Variants in AHR observed in about 807,000 individuals in gnomAD.
AHR encodes the protein aryl hydrocarbon receptor.
A neutral mutation model predicts 86.8 loss-of-function variants in AHR; 40 were observed. The ratio of observed to expected loss-of-function variants is 0.46; its 90% confidence interval spans 0.36 to 0.60. AHR has a LOEUF of 0.60. AHR is among the 20% of genes least tolerant of loss of function. AHR has a pLI of 0.00. For synonymous variants in AHR, 398 were observed against 354.9 expected (o/e 1.12, Z -1.37); for missense variants, 1,001 against 1,011.6 (o/e 0.99, Z 0.14).
Position 17,339,135 on chromosome 7 carries a change from G to C in AHR, c.1310G>C (p.Gly437Ala), listed in dbSNP as rs138430398. ...CTAAGGACTAAAAATGGCACTAGTGGAAAAGACTCTGCTACCACATCCACT... is the reference window on the plus strand; with the variant it reads ...CTAAGGACTAAAAATGGCACTAGTGCAAAAGACTCTGCTACCACATCCACT... ...LPLRTKNGTSGKDSATTSTLS... is the reference protein window; with the variant it reads ...LPLRTKNGTSAKDSATTSTLS... Residue 437 changes from glycine (G) to alanine (A), a missense_variant, in exon 10 of 11, where the codon GGA becomes GCA. Around this residue, in one of 2 missense-constraint regions of AHR, gnomAD observed 607 missense variants for 543.1 expected, o/e 1.12. Transcript: ENST00000242057. The C allele has an allele frequency of 8.1e-5, 130 of 1,614,086 alleles. No individual in the cohort carries two copies. The highest frequency in any genetic ancestry group is 9.8e-5 in the Non-Finnish European group (116 of 1,180,012).
At chr7:17,299,421 G>A in intron 1 of AHR, 92 bp downstream of exon 1, 1 of 1,403,952 alleles carries the variant, frequency 7.1e-7, no homozygotes, top group Non-Finnish European at 9.8e-7. Flanking sequence ...AAATCCCTGC[G>A]ATCCTGGGAT....
chr7:17,300,366 C>A (rs1183048965), intron 1 of AHR, among the ~76,000 whole-genome samples: 3 of 152,188 alleles, frequency 2.0e-5, no homozygotes, highest in African/African-American at 7.2e-5. Flanking sequence ...TAAACGTCTT[C>A]TCAGACCAAA....
intron 2 of AHR, among the ~76,000 whole-genome samples, chr7:17,316,030 GC>G (rs1782112180): frequency 6.6e-6 from 1 of 152,122 alleles, no homozygotes; most frequent in Non-Finnish European, 1.5e-5. Flanking sequence ...TTAAGGATGA[GC>G]AGGGGTAGTA....
At chr7:17,336,381 T>C (rs1782355024) in intron 9 of AHR, among the ~76,000 whole-genome samples, 1 of 152,170 alleles carries the variant, frequency 6.6e-6, no homozygotes, top group Admixed American at 6.6e-5. Context: ...TGTTGTTCTA[T>C]TAATAGCTCC....
In AHR at chr7:17,343,055, A is replaced by T. The variant is rs1562483741; in HGVS notation, c.2538A>T (p.Gly846=). Residue 846 remains glycine, a synonymous_variant, in exon 11 of 11, where the codon GGA becomes GGT. Coordinates refer to ENST00000242057, the MANE Select transcript of AHR (RefSeq NM_001621.5). ...ARPFPDLTSS[G]FL ...CTTTTCCTGATTTGACATCCAGTGG[A>T]TTCCTGTAATTCCAAGCCCAATTTT... The T allele has an allele frequency of 1.7e-5, 27 of 1,613,740 alleles. No homozygotes were observed. The highest frequency in any genetic ancestry group is 2.3e-5 in the Non-Finnish European group (27 of 1,179,834).
rs181548802 is a variant in AHR, at chr7:17,312,428, T to C, written c.253+2305T>C. Among the ~76,000 whole-genome samples, 327 of 152,336 alleles carry C rather than the reference T, an allele frequency of 2.1e-3. 2 individuals carry two copies. Among genetic ancestry groups the C allele is most frequent in the African/African-American group, 7.1e-3 (297 of 41,586 alleles). On this transcript the variant is annotated intron_variant, in intron 2 of 10. Transcript: ENST00000242057. ...GTACATATGTGTGTATCTAGACAGA[T>C]ACATATAAATGTGTGTGAAACACAC...
chr7:17,330,130 GA>G (rs1782271761), intron 5 of AHR, 55 bp downstream of exon 5: 1 of 1,551,576 alleles, frequency 6.4e-7, no homozygotes, highest in South Asian at 1.2e-5. Flanking sequence ...ATGAGTCTGT[GA>G]AAGGAGGCTG....
chr7:17,315,189 A>G (rs1181604868), intron 2 of AHR, among the ~76,000 whole-genome samples: 6 of 152,040 alleles, frequency 3.9e-5, no homozygotes, highest in East Asian at 3.8e-4. Flanking sequence ...TGAATATACA[A>G]ATCCTGGCTC....
chr7:17,305,354 CTGAA>C (rs1462944011), intron 1 of AHR, among the ~76,000 whole-genome samples: 1 of 152,088 alleles, frequency 6.6e-6, no homozygotes, highest in Non-Finnish European at 1.5e-5. Context: ...TACGGATGCA[CTGAA>C]GCTGGGGGAA....
chr7:17,322,759 A>T, intron 3 of AHR, 152 bp downstream of exon 3: 1 of 607,560 alleles, frequency 1.6e-6, no homozygotes, highest in Non-Finnish European at 2.9e-6. Context: ...GATGCTTAAT[A>T]CATGAAAAAC....
chr7:17,335,888 A>C (rs1004419439), intron 9 of AHR, 102 bp downstream of exon 9: 7 of 1,277,612 alleles, frequency 5.5e-6, no homozygotes, highest in Non-Finnish European at 7.5e-6. Flanking sequence ...CTGTAAATAA[A>C]AATTGAAAAG....
In AHR at chr7:17,330,048, T is replaced by C. The variant is rs2115364076; in HGVS notation, c.547T>C (p.Cys183Arg). The C allele has an allele frequency of 6.2e-7, 1 of 1,611,056 alleles. No individual in the cohort carries two copies. Among genetic ancestry groups the C allele is most frequent in the South Asian group, 1.1e-5 (1 of 90,960 alleles). Reference protein sequence around the residue: ...QLHWALNPSQCTESGQGIEEA... With the variant: ...QLHWALNPSQRTESGQGIEEA... Reference sequence around the variant, plus strand: ...ACACTGGGCATTAAATCCTTCTCAGTGTACAGAGTCTGGACAAGGAATTGA... The same window carrying C: ...ACACTGGGCATTAAATCCTTCTCAGCGTACAGAGTCTGGACAAGGAATTGA... Residue 183 changes from cysteine (C) to arginine (R), a missense_variant, in exon 5 of 11, where the codon TGT becomes CGT. Cys to Arg is a radical substitution (Grantham distance 180, BLOSUM62 -3). This residue lies in a region of AHR where 394 missense variants were observed against 468.5 expected (regional missense o/e 0.84). Transcript: ENST00000242057.
chr7:17,339,871 T>A lies in AHR; in HGVS notation c.2046T>A (p.Ser682Arg). ...YNVFTDLHGISQEFPYKSEMD... is the reference protein window; with the variant it reads ...YNVFTDLHGIRQEFPYKSEMD... ...TCTTTACAGACTTACATGGGATCAG[T>A]CAAGAGTTCCCCTACAAATCTGAAA... is the stretch of plus-strand genomic sequence containing the variant. The change falls in exon 10 of 11, where the codon AGT becomes AGA. Residue 682 changes from serine to arginine, a missense_variant. By Grantham distance (110) the Ser-to-Arg change is moderately radical. Around this residue, in one of 2 missense-constraint regions of AHR, gnomAD observed 607 missense variants for 543.1 expected, o/e 1.12. Transcript: ENST00000242057. 1 of 1,614,184 alleles carries A rather than the reference T, an allele frequency of 6.2e-7. No individual in the cohort carries two copies. Among genetic ancestry groups the A allele is most frequent in the Non-Finnish European group, 8.5e-7 (1 of 1,180,018 alleles).
chr7:17,330,204 T>C (rs979633527), intron 5 of AHR, 129 bp downstream of exon 5: 3 of 899,972 alleles, frequency 3.3e-6, no homozygotes, highest in African/African-American at 1.7e-5. Context: ...AAGTCTGCAA[T>C]CATAGGCCAC....
chr7:17,305,056 A>G (rs1376087390), intron 1 of AHR, among the ~76,000 whole-genome samples: 1 of 152,054 alleles, frequency 6.6e-6, no homozygotes, highest in Admixed American at 6.6e-5. Flanking sequence ...TTTATATCTC[A>G]TCATCTCTCC....
rs1041199058 is a variant in AHR, at chr7:17,298,966, G to T, written c.-299G>T. ...CCGCCTCACCTGCGGGCATTGCCGC[G>T]CCGCCTCCGCCGGTGTAGACGGCAC... On this transcript the variant is annotated 5_prime_UTR_variant, in exon 1 of 11. Coordinates refer to ENST00000242057, the MANE Select transcript of AHR (RefSeq NM_001621.5). The T allele has an allele frequency of 6.8e-6, 3 of 439,482 alleles. No homozygotes were observed. Among genetic ancestry groups the T allele is most frequent in the Non-Finnish European group, 1.2e-5 (3 of 252,750 alleles). The allele number at this position is 439,482 out of a possible 1,614,324, so 27.2% of individuals were successfully genotyped here.
At chr7:17,326,572 A>T (rs1021573701) in intron 3 of AHR, among the ~76,000 whole-genome samples, 3 of 152,192 alleles carry the variant, frequency 2.0e-5, no homozygotes, top group Admixed American at 1.3e-4. Flanking sequence ...TTCTACAACC[A>T]TATAACATTG....
At position 17,340,968 on chromosome 7, in the gene AHR, A is replaced by G. The variant is rs959842833; in HGVS notation, c.2403+740A>G. 1.7e-4 allele frequency among the ~76,000 whole-genome samples: 26 copies of G among 152,306 alleles called. 1 individual carries two copies. The highest frequency in any genetic ancestry group is 6.0e-4 in the African/African-American group (25 of 41,574). On this transcript the variant is annotated intron_variant, in intron 10 of 10. Transcript: ENST00000242057. Reference sequence around the variant, plus strand: ...CAGTGAGCACACTTTAAATCTAAAAATGATCACTTAAAAAAAAAAAGTTAA... The same window carrying G: ...CAGTGAGCACACTTTAAATCTAAAAGTGATCACTTAAAAAAAAAAAGTTAA...
intron 3 of AHR, among the ~76,000 whole-genome samples, chr7:17,325,243 G>A (rs747537260): frequency 5.3e-5 from 8 of 152,056 alleles, no homozygotes; most frequent in Non-Finnish European, 1.2e-4. Flanking sequence ...TGCATCTATC[G>A]TTTCTAGATT....
Sources: allele counts gnomAD v4.1 joint callset (sites outside exome capture counted in the v4.1 genomes callset), GRCh38; gene constraint gnomAD v4.1.1; regional missense constraint gnomAD v4.1.1; transcripts MANE v1.5; gene names NCBI Gene and HGNC (gene_info 2026-07-23, HGNC 2026-07-21).